PGM1: variants seen among roughly 807,000 people sequenced by gnomAD.
PGM1 encodes phosphoglucomutase 1, also known as phosphoglucomutase-1.
Under a neutral mutation model 55.6 loss-of-function variants are expected in PGM1, and 52 were observed. That is an observed-to-expected ratio of 0.94 (90% CI 0.75 to 1.18). PGM1 has a LOEUF of 1.18. Ranked by LOEUF, PGM1 falls within the 50% of genes most tolerant of loss-of-function variation. PGM1 has a pLI of 0.00. For synonymous variants in PGM1, 287 were observed against 271.7 expected (o/e 1.06, Z -0.55); for missense variants, 724 against 729.3 (o/e 0.99, Z 0.08).
chr1:63,610,068 G>C (rs1648526713), intron 1 of PGM1, among the ~76,000 whole-genome samples: 1 of 152,178 alleles, frequency 6.6e-6, no homozygotes, highest in South Asian at 2.1e-4. Flanking sequence ...ATAATTAATT[G>C]TACAATATCA....
At position 63,593,649 on chromosome 1, in the gene PGM1, A is replaced by T. The variant is rs1246557105; in HGVS notation, c.161A>T (p.Glu54Val). 1 of 1,610,594 alleles carries T rather than the reference A, an allele frequency of 6.2e-7. No individual in the cohort carries two copies. Among genetic ancestry groups the T allele is most frequent in the Non-Finnish European group, 8.5e-7 (1 of 1,178,864 alleles). ...ISTVEPAQRQ[E>V]ATLVVGGDGR... ...ACCGTGGAGCCGGCGCAGCGGCAGG[A>T]GGCCACGCTGGTGGTGGGCGGGGAC... The change falls in exon 1 of 11, where the codon GAG becomes GTG. Residue 54 changes from glutamate to valine, a missense_variant. This residue lies in a region of PGM1 where 379 missense variants were observed against 357.5 expected (regional missense o/e 1.06). Coordinates refer to ENST00000371084, the MANE Select transcript of PGM1 (RefSeq NM_002633.3).
chr1:63,596,262 T>C (rs1470532470), intron 1 of PGM1, among the ~76,000 whole-genome samples: 33 of 142,712 alleles, frequency 2.3e-4, no homozygotes, highest in African/African-American at 8.0e-4. Flanking sequence ...TTCTTTTTTT[T>C]TTTTTTTTTT....
chr1:63,652,901 T>C (rs922227309), intron 9 of PGM1, among the ~76,000 whole-genome samples: 3 of 152,144 alleles, frequency 2.0e-5, no homozygotes, highest in Non-Finnish European at 4.4e-5. Flanking sequence ...TGGATGATTG[T>C]AAATTATGCC....
At chr1:63,638,283 C>T (rs987078030) in intron 6 of PGM1, among the ~76,000 whole-genome samples, 4 of 152,202 alleles carry the variant, frequency 2.6e-5, no homozygotes, top group Non-Finnish European at 4.4e-5. Flanking sequence ...AAAATGCTAA[C>T]TGCCCAGACC....
intron 1 of PGM1, among the ~76,000 whole-genome samples, chr1:63,625,462 C>T (rs773842056): frequency 5.3e-5 from 8 of 152,182 alleles, no homozygotes; most frequent in Non-Finnish European, 1.2e-4. Context: ...GCACTTCAAT[C>T]GGATGCGCTT....
chr1:63,619,442 A>G (rs558474344), intron 1 of PGM1, among the ~76,000 whole-genome samples: 3 of 152,354 alleles, frequency 2.0e-5, no homozygotes, highest in South Asian at 4.1e-4. Context: ...CTGGCAGAGG[A>G]ACAGTGCTGG....
chr1:63,652,030 G>A (rs1025144583), intron 9 of PGM1, among the ~76,000 whole-genome samples, 178 bp downstream of exon 9: 39 of 152,116 alleles, frequency 2.6e-4, no homozygotes, highest in African/African-American at 9.2e-4. Context: ...GCACTCGTTG[G>A]GACAGTGGTT....
chr1:63,606,982 T>A (rs542627662), intron 1 of PGM1, among the ~76,000 whole-genome samples: 15 of 152,254 alleles, frequency 9.9e-5, no homozygotes, highest in Non-Finnish European at 2.1e-4. Flanking sequence ...ATGATTCACA[T>A]ACTATATAAT....
chr1:63,654,501 C>A (rs776574220), intron 10 of PGM1, 35 bp downstream of exon 10: 4 of 1,610,768 alleles, frequency 2.5e-6, no homozygotes. Flanking sequence ...TTAGTTCTTT[C>A]TGTTCAAGGG....
intron 1 of PGM1, chr1:63,623,590 A>T: frequency 6.2e-7 from 1 of 1,612,804 alleles, no homozygotes; most frequent in Admixed American, 1.7e-5. Context: ...ACGGAAGAAA[A>T]CCTATTATTT....
In PGM1 at chr1:63,651,802, G is replaced by A. The variant is rs774591034; in HGVS notation, c.1414G>A (p.Asp472Asn). 3.1e-6 allele frequency: 5 copies of A among 1,613,990 alleles called. No homozygotes were observed. The highest frequency in any genetic ancestry group is 1.7e-4 in the Middle Eastern group (1 of 6,060). ...NDKVYTVEKADNFEYSDPVDG... is the reference protein window; with the variant it reads ...NDKVYTVEKANNFEYSDPVDG... ...CAAAGTTTACACTGTGGAGAAGGCC[G>A]ATAACTTTGAATACAGCGACCCAGT... The change falls in exon 9 of 11, where the codon GAT becomes AAT. Residue 472 changes from aspartate to asparagine, a missense_variant. By Grantham distance (23) the Asp-to-Asn change is conservative. Transcript: ENST00000371084.
intron 1 of PGM1, among the ~76,000 whole-genome samples, chr1:63,624,400 T>C (rs1648968337): frequency 6.6e-6 from 1 of 152,200 alleles, no homozygotes; most frequent in Non-Finnish European, 1.5e-5. Context: ...GACTATAGTA[T>C]GAGGCGGCTC....
At chr1:63,631,332 G>A (rs1407569313) in intron 3 of PGM1, among the ~76,000 whole-genome samples, 1 of 152,182 alleles carries the variant, frequency 6.6e-6, no homozygotes, top group African/African-American at 2.4e-5. Flanking sequence ...TGGCATAGCA[G>A]AATTTATACA....
chr1:63,612,271 C>T (rs1302276207), intron 1 of PGM1, among the ~76,000 whole-genome samples: 3 of 151,460 alleles, frequency 2.0e-5, no homozygotes, highest in Non-Finnish European at 4.4e-5. Flanking sequence ...AAAAAAAAGG[C>T]TCTATCAGTT....
intron 10 of PGM1, among the ~76,000 whole-genome samples, chr1:63,658,393 CTCTCTT>C (rs1304625825): frequency 5.8e-5 from 7 of 121,498 alleles, no homozygotes; most frequent in Admixed American, 3.4e-4. Flanking sequence ...CAACAGAATT[CTCTCTT>C]TTTTTTTTTT....
At chr1:63,595,832 G>T (rs1031233311) in intron 1 of PGM1, among the ~76,000 whole-genome samples, 3 of 152,018 alleles carry the variant, frequency 2.0e-5, no homozygotes, top group Admixed American at 2.0e-4. Flanking sequence ...GGGAAGGAAA[G>T]AATTAGTTAA....
At chr1:63,642,762 A>G (rs1294919653) in intron 7 of PGM1, among the ~76,000 whole-genome samples, 6 of 152,238 alleles carry the variant, frequency 3.9e-5, no homozygotes, top group Non-Finnish European at 5.9e-5. Flanking sequence ...GTGCTAATGT[A>G]TCATACAGGA....
Position 63,647,256 on chromosome 1 carries a change from TTACATATATATATATATA to T in PGM1, c.1145-1258_1145-1241del, listed in dbSNP as rs1191434260. Reference sequence around the variant, plus strand: ...AAACTCCGTCTCAAAAAATAAAATTTTACATATATATATATATATATATATATATATATATATATATAT... The same window carrying T: ...AAACTCCGTCTCAAAAAATAAAATTTTATATATATATATATATATATATAT... On this transcript the variant is annotated intron_variant, in intron 7 of 10. Transcript: ENST00000371084. Among the ~76,000 whole-genome samples the T allele has an allele frequency of 1.5e-3, 75 of 51,604 alleles. 1 individual carries two copies. The highest frequency in any genetic ancestry group is 2.5e-3 in the African/African-American group (71 of 28,204). 33.9% of individuals were successfully genotyped at this position (51,604 alleles called of 152,430 possible). A position where few individuals can be genotyped will look rare whatever the true frequency, so the allele number is the denominator to read the frequency against.
Position 63,593,442 on chromosome 1 carries a change from C to T in PGM1, c.-47C>T. ...GCTGCAGCCTCAGCCGGCCGCCCCT[C>T]CGCCAGCCAAGTCCGCCGCTCTGAC... On this transcript the variant is annotated 5_prime_UTR_variant, in exon 1 of 11. Transcript: ENST00000371084. 1 of 1,611,608 alleles carries T rather than the reference C, an allele frequency of 6.2e-7. No homozygotes were observed. The highest frequency in any genetic ancestry group is 8.5e-7 in the Non-Finnish European group (1 of 1,179,284).
Sources: gnomAD v4.1 joint callset for allele counts (sites outside exome capture counted in the v4.1 genomes callset) on GRCh38, gnomAD v4.1.1 for gene constraint, gnomAD v4.1.1 regional missense constraint, MANE v1.5 for transcripts, NCBI Gene and HGNC (gene_info 2026-07-23, HGNC 2026-07-21) for gene names.